The following EXOC2 variants were observed in gnomAD, a reference collection of about 807,000 sequenced individuals.
The protein encoded by EXOC2 is SEC5-like 1.
Under a neutral mutation model 131.8 loss-of-function variants are expected in EXOC2, and 70 were observed. The observed-to-expected ratio is 0.53, with a 90% confidence interval of 0.44 to 0.65. EXOC2 has a LOEUF of 0.65. Ranked by LOEUF, EXOC2 falls within the 30% of genes least tolerant of loss-of-function variation. The pLI is 0.00. For synonymous variants in EXOC2, 411 were observed against 398.4 expected, an observed-to-expected ratio of 1.03 and a Z score of -0.38; for missense variants, 923 against 1,108.6, an observed-to-expected ratio of 0.83 and a Z score of 2.38.
chr6:494,947 C>T (rs927027240), intron 25 of EXOC2, among the ~76,000 whole-genome samples: 6 of 152,180 alleles, frequency 3.9e-5, no homozygotes, highest in African/African-American at 1.4e-4. Context: ...AGCACGATCA[C>T]AGTTCACTGC....
intron 1 of EXOC2, among the ~76,000 whole-genome samples, chr6:673,668 A>C (rs1183396379): frequency 6.6e-6 from 1 of 152,170 alleles, no homozygotes; most frequent in Non-Finnish European, 1.5e-5. Flanking sequence ...CCTCCAAACA[A>C]AGCAGATTTA....
chr6:555,319 A>T, intron 19 of EXOC2, 31 bp from the exon 20 acceptor site: 1 of 1,422,014 alleles, frequency 7.0e-7, no homozygotes, highest in East Asian at 2.3e-5. Context: ...CAGAACTCTC[A>T]GAGGAATGAA....
Position 592,508 on chromosome 6 carries a change from T to G in EXOC2, c.1153A>C (p.Met385Leu). Residue 385 changes from methionine (M) to leucine (L), a missense_variant, in exon 11 of 28, where the codon ATG (methionine) becomes CTG (leucine). Met to Leu is a conservative substitution (Grantham distance 15). Transcript: ENST00000230449. ...ACGTAGCCCTCTTTGCAACTGTGCA[T>G]GAGCTGAAGGATCCACTTGTGTTGG... ...GAQHKWILQL[M>L]HSCKEGYVKD... 1 of 1,614,078 alleles carries G rather than the reference T, an allele frequency of 6.2e-7. No homozygotes were observed. The highest frequency in any genetic ancestry group is 1.3e-5 in the African/African-American group (1 of 75,036).
intron 7 of EXOC2, among the ~76,000 whole-genome samples, chr6:607,651 T>G (rs1485639514): frequency 6.6e-6 from 1 of 152,260 alleles, no homozygotes; most frequent in Non-Finnish European, 1.5e-5. Context: ...ACATTGGAAG[T>G]GCTCAGTAGC....
chr6:616,805 C>T (rs181391484), intron 6 of EXOC2, among the ~76,000 whole-genome samples: 5 of 151,242 alleles, frequency 3.3e-5, no homozygotes, highest in South Asian at 2.1e-4. Context: ...TGCAGTGGCG[C>T]GATCTCGGCT....
intron 23 of EXOC2, among the ~76,000 whole-genome samples, chr6:505,351 C>T (rs959546687): frequency 6.6e-5 from 10 of 152,108 alleles, no homozygotes; most frequent in Non-Finnish European, 1.5e-4. Context: ...GCTTCTGTGG[C>T]GACATCTGAG....
intron 1 of EXOC2, among the ~76,000 whole-genome samples, chr6:650,760 A>G (rs1762792204): frequency 6.6e-6 from 1 of 152,238 alleles, no homozygotes; most frequent in Admixed American, 6.5e-5. Context: ...GTTCTAAAAC[A>G]AACTATTAGA....
At chr6:640,861 C>T (rs1169159242) in intron 1 of EXOC2, among the ~76,000 whole-genome samples, 1 of 148,986 alleles carries the variant, frequency 6.7e-6, no homozygotes, top group South Asian at 2.2e-4. Context: ...TATAACAGCC[C>T]TACCAAACTA....
intron 22 of EXOC2, among the ~76,000 whole-genome samples, chr6:544,919 G>A (rs569010985): frequency 4.0e-5 from 6 of 151,844 alleles, no homozygotes; most frequent in East Asian, 1.9e-4. Flanking sequence ...AGGCCGAGGC[G>A]GGTGGATCAT....
chr6:496,489 G>A (rs1293352106), intron 25 of EXOC2, among the ~76,000 whole-genome samples: 1 of 152,158 alleles, frequency 6.6e-6, no homozygotes, highest in Non-Finnish European at 1.5e-5. Flanking sequence ...TGCATATGGA[G>A]AGACTCCTCT....
At position 506,403 on chromosome 6, in the gene EXOC2, G is replaced by T. The variant is rs1014466756; in HGVS notation, c.2381-6703C>A. Among the ~76,000 whole-genome samples, 3 of 152,218 alleles carry T rather than the reference G, an allele frequency of 2.0e-5. No individual in the cohort carries two copies. Among genetic ancestry groups the T allele is most frequent in the African/African-American group, 7.2e-5 (3 of 41,436 alleles). On this transcript the variant is annotated intron_variant, in intron 23 of 27. Transcript: ENST00000230449. The surrounding 1 kb of genome is among the most constrained non-coding windows in gnomAD (Gnocchi z 4.4). ...ACACAGTATTAGGGAGGGATCATCA[G>T]TGTGGACAGTGTGCCAAGAAAAATA...
chr6:549,387 T>C (rs1044757270), intron 21 of EXOC2, 96 bp from the exon 22 acceptor site: 2 of 862,882 alleles, frequency 2.3e-6, no homozygotes, highest in East Asian at 2.5e-5. Context: ...CTCTGCTCTT[T>C]AACGTCAATA....
At chr6:574,504 A>C (rs1280275498) in intron 12 of EXOC2, among the ~76,000 whole-genome samples, 1 of 152,194 alleles carries the variant, frequency 6.6e-6, no homozygotes, top group African/African-American at 2.4e-5. Flanking sequence ...ACGTGTAAGA[A>C]CCACTGACAC....
intron 23 of EXOC2, among the ~76,000 whole-genome samples, chr6:502,159 C>G (rs1369437511): frequency 2.0e-5 from 3 of 152,172 alleles, no homozygotes; most frequent in Non-Finnish European, 2.9e-5. Flanking sequence ...AACATACATA[C>G]TTACTGAAAA....
intron 4 of EXOC2, among the ~76,000 whole-genome samples, chr6:626,068 A>G (rs1761551019): frequency 6.6e-6 from 1 of 152,246 alleles, no homozygotes; most frequent in South Asian, 2.1e-4. Flanking sequence ...TGTCAGCATT[A>G]CAACTGAAGT....
chr6:592,638 T>A (rs1759605060), intron 10 of EXOC2, 51 bp from the exon 11 acceptor site: 2 of 1,400,216 alleles, frequency 1.4e-6, no homozygotes, highest in Admixed American at 1.8e-5. Context: ...TGGCATATTT[T>A]AAAATCATTA....
At chr6:610,576 C>T (rs1036073280) in intron 6 of EXOC2, among the ~76,000 whole-genome samples, 1 of 152,180 alleles carries the variant, frequency 6.6e-6, no homozygotes, top group African/African-American at 2.4e-5. Flanking sequence ...GAGCACTTCA[C>T]ATTTCAGATG....
intron 12 of EXOC2, 44 bp from the exon 13 acceptor site, chr6:572,688 C>A: frequency 6.3e-7 from 1 of 1,595,510 alleles, no homozygotes; most frequent in Non-Finnish European, 8.5e-7. Flanking sequence ...ACTTCTGAAT[C>A]AAGAAAACAC....
At chr6:621,690 C>G (rs80170289) in intron 4 of EXOC2, among the ~76,000 whole-genome samples, 2,729 of 152,012 alleles carry the variant, frequency 0.018, 92 homozygotes, top group African/African-American at 0.063. Flanking sequence ...ACTAGCTTCA[C>G]GAGTTAAAAG....
Sources: gnomAD v4.1 joint callset for allele counts (sites outside exome capture counted in the v4.1 genomes callset) on GRCh38, gnomAD v4.1.1 for gene constraint, Gnocchi (gnomAD v3.1) non-coding constraint, MANE v1.5 for transcripts, NCBI Gene and HGNC (gene_info 2026-07-23, HGNC 2026-07-21) for gene names.